Variants in KCNQ1 observed in about 807,000 individuals in gnomAD.
KCNQ1 encodes potassium voltage-gated channel subfamily KQT member 1.
KCNQ1 carries 49 observed loss-of-function variants against 72.4 expected under a neutral mutation model. The observed-to-expected ratio is 0.68, with a 90% CI of 0.54 to 0.86. KCNQ1 has a LOEUF of 0.86. Ranked by LOEUF, KCNQ1 falls within the 40% of genes least tolerant of loss-of-function variation. KCNQ1 has a pLI of 0.00. For synonymous variants in KCNQ1, 450 were observed against 412.6 expected (o/e 1.09, Z -1.10); for missense variants, 790 against 945.1 (o/e 0.84, Z 2.15).
chr11:2,472,695 T>G (rs1390472496), intron 1 of KCNQ1, among the ~76,000 whole-genome samples: 1 of 151,974 alleles, frequency 6.6e-6, no homozygotes, highest in Non-Finnish European at 1.5e-5. Context: ...GGACTTGAGC[T>G]CCCTGCCTGC....
chr11:2,778,931 C>T (rs369614911), intron 15 of KCNQ1, among the ~76,000 whole-genome samples: 27 of 152,270 alleles, frequency 1.8e-4, no homozygotes, highest in African/African-American at 6.3e-4. Context: ...GTCCTGGCCC[C>T]CAGGACCTGC....
chr11:2,627,743 A>G lies in KCNQ1; in HGVS notation c.1394-34218A>G. 2.5e-6 allele frequency: 1 copy of G among 398,368 alleles called. No individual in the cohort carries two copies. The highest frequency in any genetic ancestry group is 4.4e-6 in the Non-Finnish European group (1 of 226,016). The allele number at this position is 398,368 out of a possible 1,614,324, so 24.7% of individuals were successfully genotyped here. On this transcript the variant is annotated intron_variant, in intron 10 of 15. Coordinates refer to ENST00000155840, the MANE Select transcript of KCNQ1 (RefSeq NM_000218.3). The surrounding 1 kb of genome is among the most constrained non-coding windows in gnomAD (Gnocchi z 4.9). The stretch of plus-strand genomic sequence containing the variant: ...TTTGGGAATTTGGTGATACACACAC[A>G]CACACTATTTTCTTCCTTTCTTTTT...
chr11:2,840,979 G>T (rs1286511940), intron 15 of KCNQ1, among the ~76,000 whole-genome samples: 2 of 152,210 alleles, frequency 1.3e-5, no homozygotes, highest in African/African-American at 4.8e-5. Context: ...TAGGCTCCAG[G>T]CTCCAGGCTC....
At chr11:2,615,983 G>A (rs1293134590) in intron 10 of KCNQ1, 6 of 397,994 alleles carry the variant, frequency 1.5e-5, no homozygotes, top group Non-Finnish European at 2.7e-5. Flanking sequence ...GACGCCATCT[G>A]TGTAGCATTT....
chr11:2,728,492 G>C (rs573637924), intron 11 of KCNQ1, among the ~76,000 whole-genome samples: 1 of 152,232 alleles, frequency 6.6e-6, no homozygotes, highest in African/African-American at 2.4e-5. Context: ...TAATTCTGCA[G>C]CCTCTGGCTT....
At chr11:2,837,571 G>A (rs1247022565) in intron 15 of KCNQ1, among the ~76,000 whole-genome samples, 2 of 152,218 alleles carry the variant, frequency 1.3e-5, no homozygotes, top group East Asian at 1.9e-4. Flanking sequence ...CGGGGAGGCG[G>A]CCTCTAAGAA....
chr11:2,769,253 G>C lies in KCNQ1; in HGVS notation c.1590+334G>C, dbSNP rs978286532. Among the ~76,000 whole-genome samples, 1 of 152,166 alleles carries C rather than the reference G, an allele frequency of 6.6e-6. No homozygotes were observed. The highest frequency in any genetic ancestry group is 2.4e-5 in the African/African-American group (1 of 41,440). ...AGGCAGCATTAGTGAGAGATGTGAGGGTGACATCAGAATGACTCAGAGATG... is the reference window on the plus strand; with the variant it reads ...AGGCAGCATTAGTGAGAGATGTGAGCGTGACATCAGAATGACTCAGAGATG... On this transcript the variant is annotated intron_variant, in intron 12 of 15. Transcript: ENST00000155840. The surrounding 1 kb of genome is among the most constrained non-coding windows in gnomAD (Gnocchi z 4.6).
At chr11:2,561,225 A>T (rs1589951485) in intron 2 of KCNQ1, among the ~76,000 whole-genome samples, 1 of 151,140 alleles carries the variant, frequency 6.6e-6, no homozygotes, top group Non-Finnish European at 1.5e-5. Flanking sequence ...AGAAAAAAAG[A>T]AAAAAAAGGA....
At chr11:2,706,355 C>T (rs1340359367) in intron 11 of KCNQ1, among the ~76,000 whole-genome samples, 1 of 152,214 alleles carries the variant, frequency 6.6e-6, no homozygotes, top group Non-Finnish European at 1.5e-5. Context: ...TGGTGAGGAA[C>T]TGAGGCCTCC....
rs1006178344 is a variant in KCNQ1 at position 2,663,668 on chromosome 11, C to T, written c.1514+1587C>T. On this transcript the variant is annotated intron_variant, in intron 11 of 15. Transcript: ENST00000155840. The surrounding 1 kb of genome is among the most constrained non-coding windows in gnomAD (Gnocchi z 5.2). The stretch of plus-strand genomic sequence containing the variant: ...ACTGGGAGGAGAGGGCCATCACCCA[C>T]AGTCCATCTAGCTGGGCAGCCAGGC... 4 of 398,618 alleles carry T rather than the reference C, an allele frequency of 1.0e-5. No individual in the cohort carries two copies. The highest frequency in any genetic ancestry group is 8.2e-5 in the African/African-American group (4 of 48,654). 24.7% of individuals were successfully genotyped at this position (398,618 alleles called of 1,614,324 possible).
At chr11:2,597,497 ACT>A (rs1313172740) in intron 10 of KCNQ1, among the ~76,000 whole-genome samples, 1 of 152,148 alleles carries the variant, frequency 6.6e-6, no homozygotes, top group Non-Finnish European at 1.5e-5. Context: ...GTGAAGCTTC[ACT>A]CTCATCACTG....
Position 2,445,095 on chromosome 11 carries a change from C to T in KCNQ1, c.-4C>T, listed in dbSNP as rs1300846684. 9.2e-7 allele frequency: 1 copy of T among 1,082,054 alleles called. No individual in the cohort carries two copies. The highest frequency in any genetic ancestry group is 5.6e-5 in the East Asian group (1 of 17,818). The allele number at this position is 1,082,054 out of a possible 1,614,324, so 67.0% of individuals were successfully genotyped here. A position where few individuals can be genotyped will look rare whatever the true frequency, so the allele number is the denominator to read the frequency against. On this transcript the variant is annotated 5_prime_UTR_variant, in exon 1 of 16. Coordinates refer to ENST00000155840, the MANE Select transcript of KCNQ1 (RefSeq NM_000218.3). ...GGCCGGCCCCCCGGCAGGCCCTCCTCGTTATGGCCGCGGCCTCCTCCCCGC... is the reference window on the plus strand; with the variant it reads ...GGCCGGCCCCCCGGCAGGCCCTCCTTGTTATGGCCGCGGCCTCCTCCCCGC...
At position 2,471,100 on chromosome 11, in the gene KCNQ1, C is replaced by A. The variant is rs940942610; in HGVS notation, c.386+25616C>A. Among the ~76,000 whole-genome samples, 3 of 151,908 alleles carry A rather than the reference C, an allele frequency of 2.0e-5. No homozygotes were observed. Among genetic ancestry groups the A allele is most frequent in the African/African-American group, 7.3e-5 (3 of 41,326 alleles). ...CTCCTCCCTCCACAGCAGAGTTCTA[C>A]CCGCCCTCACCACCCTGTATCAACT... On this transcript the variant is annotated intron_variant, in intron 1 of 15. Transcript: ENST00000155840. This position sits in a 1 kb window ranked among gnomAD's most constrained non-coding sequence, Gnocchi z 4.8.
intron 15 of KCNQ1, among the ~76,000 whole-genome samples, chr11:2,833,312 C>T (rs1430586350): frequency 1.3e-5 from 2 of 152,196 alleles, no homozygotes; most frequent in African/African-American, 4.8e-5. Flanking sequence ...GCAGCCAAGC[C>T]GGGCCAGTGC....
rs1849956562 is a variant in KCNQ1 at position 2,661,548 on chromosome 11, C to T, written c.1394-413C>T. On this transcript the variant is annotated intron_variant, in intron 10 of 15. Transcript: ENST00000155840. The surrounding 1 kb of genome is among the most constrained non-coding windows in gnomAD (Gnocchi z 5.9). The stretch of plus-strand genomic sequence containing the variant: ...CATCTTTCCTGACCCACTACTCTGT[C>T]AATGTATGAGTGTGACAATGTATGG... 1 of 515,902 alleles carries T rather than the reference C, an allele frequency of 1.9e-6. No individual in the cohort carries two copies. The highest frequency in any genetic ancestry group is 1.9e-5 in the African/African-American group (1 of 52,820). The allele number at this position is 515,902 out of a possible 1,614,324, so 32.0% of individuals were successfully genotyped here. A position where few individuals can be genotyped will look rare whatever the true frequency, so the allele number is the denominator to read the frequency against.
chr11:2,649,433 G>A (rs902845526), intron 10 of KCNQ1: 1 of 398,376 alleles, frequency 2.5e-6, no homozygotes, highest in Non-Finnish European at 4.4e-6. Context: ...ACTTCCAGAT[G>A]TAGTACTCCC....
intron 11 of KCNQ1, among the ~76,000 whole-genome samples, chr11:2,718,104 G>C (rs1007684911): frequency 5.9e-5 from 9 of 152,170 alleles, no homozygotes; most frequent in Non-Finnish European, 1.3e-4. Flanking sequence ...TGACACCCGC[G>C]TGCCCCGTCC....
Position 2,570,778 on chromosome 11 carries a change from G to T in KCNQ1, c.604+24G>T, listed in dbSNP as rs1173719087. ...CGGTGAGTCATGCCTGCCCTGTGGA[G>T]GTCACGCCCAGGTTTCCAGACCAGG... On this transcript the variant is annotated intron_variant, in intron 3 of 15. Coordinates refer to ENST00000155840, the MANE Select transcript of KCNQ1 (RefSeq NM_000218.3). The T allele has an allele frequency of 3.7e-6, 6 of 1,608,028 alleles. No homozygotes were observed. The Admixed American group carries it at 6.7e-5, about 18-fold the overall frequency.
At position 2,505,069 on chromosome 11, in the gene KCNQ1, T is replaced by A. The variant is rs561951710; in HGVS notation, c.387-22859T>A. On this transcript the variant is annotated intron_variant, in intron 1 of 15. Transcript: ENST00000155840. The stretch of plus-strand genomic sequence containing the variant: ...TTTCCCTTCTGATTTTTTTTTTTTT[T>A]AATTTAAGTCCCAGGACACATGTGC... Among the ~76,000 whole-genome samples the A allele has an allele frequency of 1.8e-3, 270 of 150,506 alleles. 2 individuals are homozygous for A. The highest frequency in any genetic ancestry group is 5.8e-3 in the African/African-American group (233 of 40,070).
Sources: allele counts gnomAD v4.1 joint callset (sites outside exome capture counted in the v4.1 genomes callset), GRCh38; gene constraint gnomAD v4.1.1; non-coding constraint Gnocchi (gnomAD v3.1); transcripts MANE v1.5; gene names NCBI Gene and HGNC (gene_info 2026-07-23, HGNC 2026-07-21).